The following HTRA3 variants were observed in gnomAD, a reference collection of about 807,000 sequenced individuals.
HTRA3 encodes the protein serine protease HTRA3.
A neutral mutation model predicts 43.2 loss-of-function variants in HTRA3; 41 were observed. The observed-to-expected ratio is 0.95, with a 90% CI of 0.74 to 1.23. HTRA3 has a LOEUF of 1.23. Among genes scored for constraint, HTRA3 ranks in the 50% most tolerant of loss-of-function variants. The pLI is 0.00. For synonymous variants in HTRA3, 295 were observed against 287.9 expected (o/e 1.02, Z -0.25); for missense variants, 628 against 647.1 (o/e 0.97, Z 0.32).
At chr4:8,293,960 T>C (rs1644575444) in intron 5 of HTRA3, 127 bp from the exon 6 acceptor site, 1 of 622,894 alleles carries the variant, frequency 1.6e-6, no homozygotes, top group Non-Finnish European at 2.9e-6. Flanking sequence ...TTCAGGGGAG[T>C]TGGGGGCTGT....
At chr4:8,283,975 C>T (rs116363875) in intron 2 of HTRA3, among the ~76,000 whole-genome samples, 2,512 of 152,346 alleles carry the variant, frequency 0.016, 35 homozygotes, top group Middle Eastern at 0.054. Flanking sequence ...CCCTCCCCAT[C>T]CCGGGCTCTC....
In HTRA3 at chr4:8,269,891, G is replaced by A. The variant is rs1712170774; in HGVS notation, c.-78G>A. ...TCCCATCCGTAGGCGCCCGGCGCCC[G>A]GCCCCGCAGCGGCCTCGTTGTCCCC... On this transcript the variant is annotated 5_prime_UTR_variant, in exon 1 of 9. Transcript: ENST00000307358. The A allele has an allele frequency of 2.8e-6, 2 of 710,820 alleles. No homozygotes were observed. The highest frequency in any genetic ancestry group is 3.5e-6 in the Non-Finnish European group (2 of 575,988). 44.0% of individuals were successfully genotyped at this position (710,820 alleles called of 1,614,324 possible). A position where few individuals can be genotyped will look rare whatever the true frequency, so the allele number is the denominator to read the frequency against.
intron 3 of HTRA3, among the ~76,000 whole-genome samples, chr4:8,290,039 C>T (rs60263323): frequency 0.041 from 6,311 of 152,314 alleles, 419 homozygotes; most frequent in African/African-American, 0.14. Context: ...AGATTTCAGA[C>T]GTTATTTCTG....
chr4:8,302,608 G>T, intron 7 of HTRA3, 97 bp downstream of exon 7: 1 of 1,231,682 alleles, frequency 8.1e-7, no homozygotes, highest in Non-Finnish European at 1.2e-6. Context: ...TCGGCTCCTT[G>T]CAGGTGCCCA....
In HTRA3 at chr4:8,296,156, C is replaced by G; in HGVS notation, c.1051+1955C>G. 1.0e-6 allele frequency: 1 copy of G among 990,608 alleles called. No homozygotes were observed. Among genetic ancestry groups the G allele is most frequent in the Non-Finnish European group, 1.2e-6 (1 of 833,512 alleles). The allele number at this position is 990,608 out of a possible 1,614,324, so 61.4% of individuals were successfully genotyped here. A position where few individuals can be genotyped will look rare whatever the true frequency, so the allele number is the denominator to read the frequency against. On this transcript the variant is annotated intron_variant, in intron 6 of 8. Transcript: ENST00000307358. The surrounding 1 kb of genome is among the most constrained non-coding windows in gnomAD (Gnocchi z 5.3). ...TTGCACACACTGAGCTGTGAGGTGG[C>G]TTTCCTTGGAAGTGGATGATAGTGT...
At chr4:8,303,809 G>GTGACTCAGCATTGTCTGTACGTTCCA (rs1560144317) in intron 7 of HTRA3, among the ~76,000 whole-genome samples, 1 of 143,786 alleles carries the variant, frequency 7.0e-6, no homozygotes, top group African/African-American at 2.5e-5. Flanking sequence ...TGTACGTTCC[G>GTGACTCAGCATTGTCTGTACGTTCCA]TGACTCAGCA....
At chr4:8,290,996 T>C (rs1713213054) in intron 3 of HTRA3, among the ~76,000 whole-genome samples, 1 of 152,146 alleles carries the variant, frequency 6.6e-6, no homozygotes, top group Admixed American at 6.5e-5. Flanking sequence ...GTGCATATGG[T>C]GTAGTAGTTT....
At chr4:8,304,094 G>A (rs957802156) in intron 7 of HTRA3, 90 bp from the exon 8 acceptor site, 41 of 1,026,060 alleles carry the variant, frequency 4.0e-5, no homozygotes, top group Non-Finnish European at 5.6e-5. Flanking sequence ...TCCTCTTCTG[G>A]TCTGGTGCTG....
chr4:8,278,313 C>T (rs12639755), intron 1 of HTRA3, among the ~76,000 whole-genome samples: 47,972 of 150,710 alleles, frequency 0.32, 8,651 homozygotes, highest in Non-Finnish European at 0.4. Flanking sequence ...CACCTAGCCT[C>T]GGGCCTTGAT....
chr4:8,302,600 G>A (rs907711882), intron 7 of HTRA3, 89 bp downstream of exon 7: 42 of 1,362,122 alleles, frequency 3.1e-5, no homozygotes, highest in Admixed American at 1.4e-4. Flanking sequence ...GGCTGTGTTC[G>A]GCTCCTTGCA....
At chr4:8,271,665 G>A (rs1275975258) in intron 1 of HTRA3, among the ~76,000 whole-genome samples, 1 of 152,188 alleles carries the variant, frequency 6.6e-6, no homozygotes, top group Non-Finnish European at 1.5e-5. Context: ...TGGTTGTCTG[G>A]TGAGGGCTGC....
intron 1 of HTRA3, among the ~76,000 whole-genome samples, chr4:8,282,021 G>T (rs10938706): frequency 0.41 from 62,664 of 151,938 alleles, 14,757 homozygotes; most frequent in African/African-American, 0.65. Flanking sequence ...TGAGGAGAGG[G>T]CCAGTTCTCT....
intron 8 of HTRA3, among the ~76,000 whole-genome samples, chr4:8,305,590 CG>C (rs1019167021): frequency 1.3e-5 from 2 of 152,208 alleles, no homozygotes; most frequent in Non-Finnish European, 2.9e-5. Flanking sequence ...CCCACATAGA[CG>C]TCTTCGTAAC....
intron 1 of HTRA3, among the ~76,000 whole-genome samples, chr4:8,277,426 A>T (rs1712572400): frequency 6.6e-6 from 1 of 151,934 alleles, no homozygotes; most frequent in Non-Finnish European, 1.5e-5. Flanking sequence ...GCCCAGACGC[A>T]GGGGTGCAGG....
At chr4:8,272,495 G>C (rs922667112) in intron 1 of HTRA3, among the ~76,000 whole-genome samples, 2 of 152,250 alleles carry the variant, frequency 1.3e-5, no homozygotes, top group African/African-American at 4.8e-5. Context: ...CTTGCTCACC[G>C]TGAGTTTCCT....
intron 1 of HTRA3, among the ~76,000 whole-genome samples, chr4:8,278,032 C>G (rs1396076519): frequency 6.6e-6 from 1 of 152,308 alleles, no homozygotes; most frequent in South Asian, 2.1e-4. Context: ...GGGAAGCTGG[C>G]CACTCTGATA....
chr4:8,305,739 ACCCACCCTT>A (rs1365382215), intron 8 of HTRA3, among the ~76,000 whole-genome samples: 11 of 151,832 alleles, frequency 7.2e-5, no homozygotes, highest in Admixed American at 3.3e-4. Context: ...GGGAGCTTGA[ACCCACCCTT>A]CTGACGCATG....
chr4:8,305,791 G>C (rs761024329), intron 8 of HTRA3, among the ~76,000 whole-genome samples, 180 bp from the exon 9 acceptor site: 1 of 152,030 alleles, frequency 6.6e-6, no homozygotes, highest in Non-Finnish European at 1.5e-5. Flanking sequence ...TTTCCCTGTC[G>C]TGTGACATTG....
chr4:8,287,289 C>T (rs1299842826), intron 3 of HTRA3, among the ~76,000 whole-genome samples: 5 of 152,198 alleles, frequency 3.3e-5, no homozygotes, highest in African/African-American at 1.2e-4. Context: ...CCGGCTGTTT[C>T]TGGAAGGCCT....
Sources: gnomAD v4.1 joint callset for allele counts (sites outside exome capture counted in the v4.1 genomes callset) on GRCh38, gnomAD v4.1.1 for gene constraint, Gnocchi (gnomAD v3.1) non-coding constraint, MANE v1.5 for transcripts, NCBI Gene and HGNC (gene_info 2026-07-23, HGNC 2026-07-21) for gene names.